The following SEMA6D variants were observed in gnomAD, a reference collection of about 807,000 sequenced individuals.
SEMA6D encodes semaphorin 6D.
A neutral mutation model predicts 106.6 loss-of-function variants in SEMA6D; 35 were observed. The ratio of observed to expected loss-of-function variants is 0.33; its 90% CI spans 0.25 to 0.44. SEMA6D has a LOEUF of 0.44. Among genes scored for constraint, SEMA6D ranks in the 20% least tolerant of loss-of-function variants. The pLI, the probability that SEMA6D is intolerant of heterozygous loss-of-function variation, is 1.00. For synonymous variants in SEMA6D, 499 were observed against 487.7 expected (o/e 1.02, Z -0.31); for missense variants, 1,185 against 1,345.9 (o/e 0.88, Z 1.87).
intron 3 of SEMA6D, among the ~76,000 whole-genome samples, chr15:47,596,544 A>G (rs928489960): frequency 2.6e-5 from 4 of 152,158 alleles, no homozygotes; most frequent in South Asian, 2.1e-4. Flanking sequence ...TTACAAAGCT[A>G]TAGTACATAG....
chr15:47,298,344 T>TC (rs1406587564), intron 1 of SEMA6D, among the ~76,000 whole-genome samples: 1 of 151,680 alleles, frequency 6.6e-6, no homozygotes, highest in Non-Finnish European at 1.5e-5. Flanking sequence ...TTTTTTTTTT[T>TC]CTTTTCTCAT....
At chr15:47,285,180 ATTAT>A (rs1170353715) in intron 1 of SEMA6D, among the ~76,000 whole-genome samples, 2 of 152,152 alleles carry the variant, frequency 1.3e-5, no homozygotes, top group African/African-American at 2.4e-5. Context: ...ATATTGCTGA[ATTAT>A]TTATTTATTC....
At chr15:47,309,201 A>G (rs190020840) in intron 1 of SEMA6D, among the ~76,000 whole-genome samples, 11 of 152,342 alleles carry the variant, frequency 7.2e-5, no homozygotes, top group Admixed American at 4.6e-4. Context: ...CCCCATGTCA[A>G]TCACCATTTG....
chr15:47,327,931 G>A (rs1478466856), intron 1 of SEMA6D, among the ~76,000 whole-genome samples: 5 of 152,126 alleles, frequency 3.3e-5, no homozygotes, highest in African/African-American at 7.2e-5. Flanking sequence ...CTATCTCAGC[G>A]TTATACCTAT....
At chr15:47,489,824 G>T (rs1457473081) in intron 3 of SEMA6D, among the ~76,000 whole-genome samples, 1 of 151,932 alleles carries the variant, frequency 6.6e-6, no homozygotes, top group Non-Finnish European at 1.5e-5. Flanking sequence ...GCTGATTTTT[G>T]TATTTTTAGT....
intron 4 of SEMA6D, among the ~76,000 whole-genome samples, chr15:47,665,954 T>C (rs893053298): frequency 2.6e-5 from 4 of 152,218 alleles, no homozygotes; most frequent in Admixed American, 1.3e-4. Context: ...GACAAGAGTA[T>C]TGAGAATAAA....
intron 3 of SEMA6D, among the ~76,000 whole-genome samples, chr15:47,575,902 A>G (rs1211751072): frequency 6.6e-6 from 1 of 152,216 alleles, no homozygotes; most frequent in Non-Finnish European, 1.5e-5. Flanking sequence ...GGTGCTCTGT[A>G]CATATTATTT....
upstream of SEMA6D, among the ~76,000 whole-genome samples, chr15:47,714,459 G>C (rs558565706): frequency 1.3e-5 from 2 of 152,188 alleles, no homozygotes; most frequent in Non-Finnish European, 2.9e-5. Flanking sequence ...CAGTTAAGAA[G>C]TTGTACTTTC....
intron 1 of SEMA6D, among the ~76,000 whole-genome samples, chr15:47,188,729 A>C (rs1232540724): frequency 3.3e-5 from 5 of 152,322 alleles, no homozygotes; most frequent in South Asian, 4.1e-4. Flanking sequence ...TTGTGGAAGA[A>C]GGCAGATCAT....
intron 4 of SEMA6D, among the ~76,000 whole-genome samples, chr15:47,607,799 C>T (rs1033957494): frequency 6.6e-6 from 1 of 152,180 alleles, no homozygotes; most frequent in Non-Finnish European, 1.5e-5. Context: ...AAGGGGTACA[C>T]TGGCCTTTCT....
At chr15:47,274,787 A>G (rs2034722012) in intron 1 of SEMA6D, 1 of 152,198 alleles carries the variant, frequency 6.6e-6, no homozygotes, top group Non-Finnish European at 1.5e-5. Flanking sequence ...CTCTCCAGGG[A>G]CTGTTCATCT....
chr15:47,348,714 CACACCACACACACAGAGAGAGAGAGAGAG>C (rs1304041507), intron 1 of SEMA6D, among the ~76,000 whole-genome samples: 41,348 of 89,056 alleles, frequency 0.46, 8,363 homozygotes, highest in Non-Finnish European at 0.55. Context: ...CACACACACA[CACACCACACACACAGAGAGAGAGAGAGAG>C]AGAGAGAGAG....
In SEMA6D at chr15:47,624,022, A is replaced by G. The variant is rs367973893; in HGVS notation, c.-55+23126A>G. On this transcript the variant is annotated intron_variant, in intron 4 of 19. Coordinates refer to the SEMA6D transcript ENST00000558014. Reference sequence around the variant, plus strand: ...AAACTCCCCGTGAGCTGGCCCTGCCAGTCTCTCCAATCTCCTGTCCCACCA... The same window carrying G: ...AAACTCCCCGTGAGCTGGCCCTGCCGGTCTCTCCAATCTCCTGTCCCACCA... Among the ~76,000 whole-genome samples the G allele has an allele frequency of 1.8e-4, 27 of 152,258 alleles. No individual in the cohort carries two copies. In the East Asian group the frequency reaches 4.6e-3, roughly 26 times the overall value.
At chr15:47,375,639 A>C (rs1259289896) in intron 1 of SEMA6D, among the ~76,000 whole-genome samples, 1 of 152,192 alleles carries the variant, frequency 6.6e-6, no homozygotes, top group Non-Finnish European at 1.5e-5. Context: ...TTTAGCAAAA[A>C]ATTCATCTAT....
At chr15:47,620,466 T>C (rs1363186086) in intron 4 of SEMA6D, among the ~76,000 whole-genome samples, 1 of 152,154 alleles carries the variant, frequency 6.6e-6, no homozygotes, top group East Asian at 1.9e-4. Context: ...GGGGAAATAA[T>C]AACTAATATT....
At chr15:47,422,154 CTT>C (rs1233796838) in intron 2 of SEMA6D, among the ~76,000 whole-genome samples, 1 of 148,554 alleles carries the variant, frequency 6.7e-6, no homozygotes, top group African/African-American at 2.6e-5. Context: ...AATTAACACT[CTT>C]ATTTTTTGCC....
At chr15:47,496,401 T>C (rs1165146399) in intron 3 of SEMA6D, among the ~76,000 whole-genome samples, 1 of 152,038 alleles carries the variant, frequency 6.6e-6, no homozygotes, top group Non-Finnish European at 1.5e-5. Context: ...ACCAACACTT[T>C]CCCGTGTCCT....
At chr15:47,540,830 G>A (rs977702976) in intron 3 of SEMA6D, among the ~76,000 whole-genome samples, 2 of 152,142 alleles carry the variant, frequency 1.3e-5, no homozygotes, top group African/African-American at 4.8e-5. Context: ...TGTCCCAGGT[G>A]GCCAAGAGTC....
At chr15:47,219,786 A>G (rs150795557) in intron 1 of SEMA6D, among the ~76,000 whole-genome samples, 173 of 152,348 alleles carry the variant, frequency 1.1e-3, no homozygotes, top group Non-Finnish European at 1.8e-3. Flanking sequence ...TATGTGAATC[A>G]GCAATATAAG....
Sources: gnomAD v4.1 joint callset for allele counts (sites outside exome capture counted in the v4.1 genomes callset) on GRCh38, gnomAD v4.1.1 for gene constraint, MANE v1.5 for transcripts, NCBI Gene and HGNC (gene_info 2026-07-23, HGNC 2026-07-21) for gene names.